The following TDRD9 variants were observed in gnomAD, a reference collection of about 807,000 sequenced individuals.
The protein encoded by TDRD9 is ATP-dependent RNA helicase TDRD9.
TDRD9 carries 124 observed loss-of-function variants against 172.6 expected under a neutral mutation model. The observed-to-expected ratio is 0.72, with a 90% confidence interval of 0.62 to 0.83. TDRD9 has a LOEUF of 0.83. TDRD9 is among the 40% of genes least tolerant of loss of function. TDRD9 has a pLI of 0.00. For missense variants in TDRD9, 1,479 were observed against 1,714.1 expected, an observed-to-expected ratio of 0.86 and a Z score of 2.42; for synonymous variants, 619 against 617.1, an observed-to-expected ratio of 1.00 and a Z score of -0.05.
At chr14:103,939,270 G>A (rs1161269133) in intron 1 of TDRD9, among the ~76,000 whole-genome samples, 2 of 152,084 alleles carry the variant, frequency 1.3e-5, no homozygotes, top group African/African-American at 2.4e-5. Flanking sequence ...TTCTAGTACC[G>A]GGCTTCATAT....
In TDRD9 at chr14:103,959,285, A is replaced by G. The variant is rs114047187; in HGVS notation, c.322+3515A>G. Among the ~76,000 whole-genome samples the G allele has an allele frequency of 7.8e-3, 1,181 of 152,134 alleles. 14 individuals carry two copies. The highest frequency in any genetic ancestry group is 0.027 in the African/African-American group (1,137 of 41,468). On this transcript the variant is annotated intron_variant, in intron 2 of 35. Transcript: ENST00000409874. ...TGCTGTCCACTTCTTTTTCCTTGAG[A>G]TGAGGTCTTGCTATGTTGCCCAGGT...
intron 15 of TDRD9, 55 bp from the exon 16 acceptor site, chr14:104,006,334 G>A (rs1566777418): frequency 6.8e-7 from 1 of 1,476,960 alleles, no homozygotes; most frequent in Non-Finnish European, 9.3e-7. Flanking sequence ...ACCTTAAGGG[G>A]AAGAAGTATG....
In TDRD9 at chr14:103,959,505, CA is replaced by C. The variant is rs1422665266; in HGVS notation, c.323-3573del. On this transcript the variant is annotated intron_variant, in intron 2 of 35. Transcript: ENST00000409874. Reference sequence around the variant, plus strand: ...GTATGTATACATACACACACACACACACAGACACAAAGCTATTTCTATGTCT... The same window carrying C: ...GTATGTATACATACACACACACACACCAGACACAAAGCTATTTCTATGTCT... Among the ~76,000 whole-genome samples the C allele has an allele frequency of 4.1e-3, 593 of 144,052 alleles. 3 individuals are homozygous for C. Among genetic ancestry groups the C allele is most frequent in the African/African-American group, 0.016 (575 of 36,644 alleles). The allele number at this position is 144,052 out of a possible 152,430, so 94.5% of individuals were successfully genotyped here. A position where few individuals can be genotyped will look rare whatever the true frequency, so the allele number is the denominator to read the frequency against.
At chr14:103,956,140 ATATATAT>A (rs1566738466) in intron 2 of TDRD9, among the ~76,000 whole-genome samples, 12 of 114,638 alleles carry the variant, frequency 1.0e-4, no homozygotes, top group African/African-American at 3.4e-4. Context: ...ATATATATAT[ATATATAT>A]ATAATTATTA....
At chr14:103,998,284 C>G (rs533788997) in intron 12 of TDRD9, among the ~76,000 whole-genome samples, 1 of 151,706 alleles carries the variant, frequency 6.6e-6, no homozygotes, top group African/African-American at 2.4e-5. Flanking sequence ...TTCTGGCAGT[C>G]CCTTGCATCA....
chr14:103,948,372 G>C (rs941857228), intron 1 of TDRD9, among the ~76,000 whole-genome samples: 1 of 152,062 alleles, frequency 6.6e-6, no homozygotes, highest in African/African-American at 2.4e-5. Flanking sequence ...GGAGAAATTG[G>C]AACCCCTGTG....
Position 103,961,160 on chromosome 14 carries a change from A to G in TDRD9, c.323-1919A>G, listed in dbSNP as rs376375009. 1.1e-4 allele frequency among the ~76,000 whole-genome samples: 16 copies of G among 152,352 alleles called. No individual in the cohort carries two copies. In the East Asian group the frequency reaches 2.5e-3, roughly 24 times the overall value. On this transcript the variant is annotated intron_variant, in intron 2 of 35. Coordinates refer to ENST00000409874, the MANE Select transcript of TDRD9 (RefSeq NM_153046.3). The stretch of plus-strand genomic sequence containing the variant: ...AAGGCCTAGGTATATTAACTGGGAA[A>G]ACAAGAAGGCATCAGTAATTACCAT...
At chr14:103,949,212 T>C (rs1227457430) in intron 1 of TDRD9, among the ~76,000 whole-genome samples, 1 of 152,226 alleles carries the variant, frequency 6.6e-6, no homozygotes. Context: ...TAGCAGAGGC[T>C]AAGTTTAGGA....
chr14:103,967,840 G>T (rs1302315038), intron 5 of TDRD9, among the ~76,000 whole-genome samples: 1 of 152,208 alleles, frequency 6.6e-6, no homozygotes, highest in Non-Finnish European at 1.5e-5. Flanking sequence ...GACAAATTCA[G>T]ATTTAATAGA....
At chr14:104,046,060 G>A (rs1448313797) in intron 34 of TDRD9, among the ~76,000 whole-genome samples, 1 of 152,098 alleles carries the variant, frequency 6.6e-6, no homozygotes, top group East Asian at 1.9e-4. Context: ...GGGTTCAAGC[G>A]ATTCTCCTGC....
chr14:103,938,943 A>C (rs1173972358), intron 1 of TDRD9, among the ~76,000 whole-genome samples: 1 of 152,236 alleles, frequency 6.6e-6, no homozygotes, highest in African/African-American at 2.4e-5. Context: ...TGCCAACAAC[A>C]AAGTGAGAGA....
At chr14:104,042,806 C>T (rs2035648666) in intron 34 of TDRD9, among the ~76,000 whole-genome samples, 1 of 152,152 alleles carries the variant, frequency 6.6e-6, no homozygotes, top group Non-Finnish European at 1.5e-5. Flanking sequence ...CCTTCCTTGC[C>T]TGACAGTGTC....
Position 103,965,453 on chromosome 14 carries a change from A to G in TDRD9, c.541A>G (p.Ser181Gly), listed in dbSNP as rs1374149604. 6.4e-6 allele frequency: 10 copies of G among 1,551,394 alleles called. No homozygotes were observed. The highest frequency in any genetic ancestry group is 1.7e-4 in the Middle Eastern group (1 of 5,990). ...DHYVQRSAYC[S>G]IVVTQPRKIG... ...CTACGTTCAGCGCTCCGCCTACTGC[A>G]GCATTGTGGTCACCCAGCCCCGGAA... Residue 181 changes from serine (S) to glycine (G), a missense_variant, in exon 4 of 36, where the codon AGC (serine) becomes GGC (glycine). Ser to Gly is a moderately conservative substitution (Grantham distance 56). Coordinates refer to ENST00000409874, the MANE Select transcript of TDRD9 (RefSeq NM_153046.3).
intron 2 of TDRD9, among the ~76,000 whole-genome samples, chr14:103,961,520 G>A (rs1163677506): frequency 6.6e-6 from 1 of 150,914 alleles, no homozygotes; most frequent in Non-Finnish European, 1.5e-5. Context: ...CCGAGATCGC[G>A]CCACTGCACT....
At chr14:104,010,051 T>A (rs2152223986) in intron 20 of TDRD9, among the ~76,000 whole-genome samples, 1 of 151,544 alleles carries the variant, frequency 6.6e-6, no homozygotes, top group African/African-American at 2.4e-5. Flanking sequence ...GTTCAAACAA[T>A]TCTCCTGCCT....
chr14:104,007,584 G>T (rs1232789072), intron 19 of TDRD9, among the ~76,000 whole-genome samples: 1 of 151,832 alleles, frequency 6.6e-6, no homozygotes, highest in African/African-American at 2.4e-5. Context: ...TCTGTTTTCA[G>T]CTCTTTTAGA....
intron 5 of TDRD9, among the ~76,000 whole-genome samples, chr14:103,968,556 G>T (rs979735251): frequency 2.0e-4 from 31 of 151,868 alleles, no homozygotes; most frequent in African/African-American, 7.5e-4. Flanking sequence ...GGAGGCCGAG[G>T]TGGGCGGATC....
intron 24 of TDRD9, 34 bp downstream of exon 24, chr14:104,022,364 G>T (rs939383248): frequency 1.3e-6 from 2 of 1,596,432 alleles, no homozygotes; most frequent in Non-Finnish European, 1.7e-6. Flanking sequence ...GACAGGCCGT[G>T]CCTGCTTTCA....
At chr14:103,949,616 A>C (rs2152123915) in intron 1 of TDRD9, among the ~76,000 whole-genome samples, 2 of 152,344 alleles carry the variant, frequency 1.3e-5, no homozygotes, top group Middle Eastern at 6.8e-3. Context: ...TTGTGATTGC[A>C]ACAATAACTT....
Sources: gnomAD v4.1 joint callset for allele counts (sites outside exome capture counted in the v4.1 genomes callset) on GRCh38, gnomAD v4.1.1 for gene constraint, MANE v1.5 for transcripts, NCBI Gene and HGNC (gene_info 2026-07-23, HGNC 2026-07-21) for gene names.